The following ASIC2 variants were observed in gnomAD, a reference collection of about 807,000 sequenced individuals.
ASIC2 encodes acid-sensing ion channel 2.
In ASIC2, 25 loss-of-function variants were observed where a neutral mutation model predicts 57.3. The ratio of observed to expected loss-of-function variants is 0.44; its 90% CI spans 0.32 to 0.61. The LOEUF (loss-of-function observed/expected upper bound fraction) is 0.61. Ranked by LOEUF, ASIC2 falls within the 20% of genes least tolerant of loss-of-function variation. ASIC2 has a pLI of 0.06. For missense variants in ASIC2, 641 were observed against 738.1 expected, an observed-to-expected ratio of 0.87 and a Z score of 1.52; for synonymous variants, 319 against 307.5, an observed-to-expected ratio of 1.04 and a Z score of -0.39.
intron 1 of ASIC2, among the ~76,000 whole-genome samples, chr17:33,164,957 C>T (rs529807777): frequency 4.6e-5 from 7 of 152,336 alleles, no homozygotes; most frequent in African/African-American, 1.7e-4. Flanking sequence ...CCTTTTGATT[C>T]ACGTGCCTCC....
intron 1 of ASIC2, among the ~76,000 whole-genome samples, chr17:33,714,143 T>C (rs1342066740): frequency 2.0e-5 from 3 of 152,184 alleles, no homozygotes; most frequent in African/African-American, 7.2e-5. Context: ...CCACTCCCCA[T>C]GAGGTGATAT....
intron 1 of ASIC2, among the ~76,000 whole-genome samples, chr17:33,182,104 A>G (rs1051639101): frequency 6.6e-6 from 1 of 152,226 alleles, no homozygotes; most frequent in African/African-American, 2.4e-5. Flanking sequence ...GGTTGAAGGC[A>G]TAAACAGGGA....
At chr17:33,913,813 C>T (rs17837003) in intron 1 of ASIC2, among the ~76,000 whole-genome samples, 21,806 of 152,190 alleles carry the variant, frequency 0.14, 1,998 homozygotes, top group South Asian at 0.3. Flanking sequence ...TAATTGTTGA[C>T]GATACTTTTC....
intron 1 of ASIC2, among the ~76,000 whole-genome samples, chr17:33,803,185 T>C (rs991712661): frequency 2.0e-5 from 3 of 152,218 alleles, no homozygotes; most frequent in Non-Finnish European, 4.4e-5. Context: ...CCAAGCACTC[T>C]ACATCTCTGA....
chr17:34,015,218 T>A (rs1400695930), intron 1 of ASIC2, among the ~76,000 whole-genome samples: 3 of 152,172 alleles, frequency 2.0e-5, no homozygotes, highest in African/African-American at 7.2e-5. Context: ...CTATCCCCGC[T>A]CTTCATCTTT....
chr17:34,114,758 C>G (rs1217900820), intron 1 of ASIC2, among the ~76,000 whole-genome samples: 2 of 152,162 alleles, frequency 1.3e-5, no homozygotes, highest in Non-Finnish European at 2.9e-5. Context: ...ACAGACACAG[C>G]CAGCATTATT....
intron 1 of ASIC2, among the ~76,000 whole-genome samples, chr17:33,438,958 A>G (rs1228084316): frequency 6.6e-6 from 1 of 150,856 alleles, no homozygotes; most frequent in African/African-American, 2.4e-5. Flanking sequence ...ATCCTCCCAC[A>G]TCAGCCTCCC....
chr17:33,364,177 G>A (rs758121831), intron 1 of ASIC2, among the ~76,000 whole-genome samples: 2 of 152,054 alleles, frequency 1.3e-5, no homozygotes, highest in Admixed American at 6.6e-5. Context: ...GCTTCTCTGG[G>A]GCTAGGAAGA....
chr17:33,028,291 C>G lies in ASIC2; in HGVS notation c.1089G>C (p.Glu363Asp), dbSNP rs896352005. The change falls in exon 4 of 10, where the codon GAG becomes GAC. Residue 363 changes from glutamate to aspartate, a missense_variant. Glu to Asp is a conservative substitution (Grantham distance 45). Coordinates refer to ENST00000225823, the MANE Select transcript of ASIC2 (RefSeq NM_183377.2). ...TGCAGTTTTCCACAATGTAGCGGGT[C>G]TCACAGTCAATCCTACAGGCGGTGA... is the stretch of plus-strand genomic sequence containing the variant. ...YSITACRIDC[E>D]TRYIVENCNC... is the part of the protein sequence containing the mutation. The G allele has an allele frequency of 6.2e-7, 1 of 1,614,048 alleles. No individual in the cohort carries two copies. The highest frequency in any genetic ancestry group is 8.5e-7 in the Non-Finnish European group (1 of 1,180,050).
chr17:33,931,049 G>C (rs1224586227), intron 1 of ASIC2: 1 of 152,284 alleles, frequency 6.6e-6, no homozygotes, highest in Non-Finnish European at 1.5e-5. Context: ...CTCTCTAGCA[G>C]CTGGGACTGA....
chr17:34,032,907 T>G lies in ASIC2; in HGVS notation c.555+123071A>C, dbSNP rs943744740. Among the ~76,000 whole-genome samples the G allele has an allele frequency of 3.9e-5, 6 of 152,130 alleles. No homozygotes were observed. The South Asian group carries it at 6.2e-4, about 16-fold the overall frequency. ...AAAAAGACTTAAGACTCCCACACAA[T>G]AATAATGGGAGACTTTAACACCCCA... On this transcript the variant is annotated intron_variant, in intron 1 of 9. Transcript: ENST00000359872.
chr17:33,533,498 A>G (rs1286770337), intron 1 of ASIC2: 1 of 152,166 alleles, frequency 6.6e-6, no homozygotes, highest in Non-Finnish European at 1.5e-5. Flanking sequence ...TTACAGGGCC[A>G]TGACATCTTC....
chr17:33,994,593 G>A (rs890554698), intron 1 of ASIC2, among the ~76,000 whole-genome samples: 9 of 151,960 alleles, frequency 5.9e-5, no homozygotes, highest in African/African-American at 1.5e-4. Context: ...ATTTTTTCTC[G>A]CCTAATAACA....
At chr17:33,618,446 G>A (rs988880972) in intron 1 of ASIC2, among the ~76,000 whole-genome samples, 3 of 152,128 alleles carry the variant, frequency 2.0e-5, no homozygotes, top group Non-Finnish European at 4.4e-5. Flanking sequence ...TGTTGAATTA[G>A]TAGAGAATAT....
intron 1 of ASIC2, among the ~76,000 whole-genome samples, chr17:33,521,158 G>C (rs1223791694): frequency 6.6e-6 from 1 of 152,170 alleles, no homozygotes; most frequent in Admixed American, 6.5e-5. Flanking sequence ...CTCAGGCTGG[G>C]CTGGGTCCAC....
chr17:33,550,582 T>C lies in ASIC2; in HGVS notation c.556-438515A>G, dbSNP rs538422635. Among the ~76,000 whole-genome samples the C allele has an allele frequency of 5.9e-5, 9 of 152,204 alleles. No homozygotes were observed. The East Asian group carries it at 9.6e-4, about 16-fold the overall frequency. ...GCAGAGGCTGAAGAGCCAGACACTC[T>C]AGGTTTGGTCCTGTCTATATCACCT... is the stretch of plus-strand genomic sequence containing the variant. On this transcript the variant is annotated intron_variant, in intron 1 of 9. Coordinates refer to the ASIC2 transcript ENST00000359872.
chr17:34,069,973 A>C (rs1909336900), intron 1 of ASIC2: 1 of 152,098 alleles, frequency 6.6e-6, no homozygotes, highest in Non-Finnish European at 1.5e-5. Flanking sequence ...GATAATCAAA[A>C]TTTAATTAAT....
intron 1 of ASIC2, among the ~76,000 whole-genome samples, chr17:33,263,560 T>G (rs1239777533): frequency 6.6e-6 from 1 of 152,210 alleles, no homozygotes; most frequent in East Asian, 1.9e-4. Context: ...GACTTTGACC[T>G]TCTCTGGAGA....
intron 1 of ASIC2, among the ~76,000 whole-genome samples, chr17:33,854,243 A>ATGCG (rs1913855544): frequency 6.6e-6 from 1 of 152,106 alleles, no homozygotes; most frequent in African/African-American, 2.4e-5. Flanking sequence ...CACTGTAGGC[A>ATGCG]TGCATGCATG....
Sources: gnomAD v4.1 joint callset for allele counts (sites outside exome capture counted in the v4.1 genomes callset) on GRCh38, gnomAD v4.1.1 for gene constraint, MANE v1.5 for transcripts, NCBI Gene and HGNC (gene_info 2026-07-23, HGNC 2026-07-21) for gene names.